The following IQCM variants were observed in gnomAD, a reference collection of about 807,000 sequenced individuals.
IQCM encodes the protein IQ motif containing M.
In IQCM, 45 loss-of-function variants were observed where a neutral mutation model predicts 57.6. That is an observed-to-expected ratio of 0.78 (90% CI 0.62 to 1.00). IQCM has a LOEUF of 1.00. Among genes scored for constraint, IQCM ranks in the 50% least tolerant of loss-of-function variants. The probability of loss-of-function intolerance (pLI) is 0.00; values close to 1 mark genes in which losing one functional copy is unlikely to be tolerated. For synonymous variants in IQCM, 148 were observed against 158.9 expected (o/e 0.93, Z 0.51); for missense variants, 468 against 511.6 (o/e 0.91, Z 0.82).
chr4:149,433,608 C>G, intron 12 of IQCM, 51 bp from the exon 13 acceptor site: 1 of 712,904 alleles, frequency 1.4e-6, no homozygotes, highest in Non-Finnish European at 1.9e-6. Context: ...TACAGACTGT[C>G]ATACTTGCTT....
chr4:149,754,388 C>T (rs1308949716), intron 2 of IQCM, among the ~76,000 whole-genome samples: 1 of 152,170 alleles, frequency 6.6e-6, no homozygotes, highest in East Asian at 1.9e-4. Flanking sequence ...GCTTTCTTCC[C>T]TTTCGAAATC....
At chr4:149,464,849 T>G (rs902915473) in intron 12 of IQCM, among the ~76,000 whole-genome samples, 2 of 152,174 alleles carry the variant, frequency 1.3e-5, no homozygotes, top group African/African-American at 4.8e-5. Flanking sequence ...AATTTAAAAA[T>G]TTTTGATTAA....
intron 7 of IQCM, among the ~76,000 whole-genome samples, chr4:149,642,145 G>A (rs960131745): frequency 6.6e-6 from 1 of 152,030 alleles, no homozygotes; most frequent in Non-Finnish European, 1.5e-5. Flanking sequence ...TTTAATAAAT[G>A]GCACTTTGAA....
intron 2 of IQCM, among the ~76,000 whole-genome samples, chr4:149,749,398 T>G (rs527811930): frequency 2.0e-5 from 3 of 152,332 alleles, no homozygotes; most frequent in Non-Finnish European, 4.4e-5. Context: ...ACATAGTATA[T>G]TCTCACATAT....
At chr4:149,516,602 G>C (rs779195816) in intron 12 of IQCM, among the ~76,000 whole-genome samples, 44 of 152,284 alleles carry the variant, frequency 2.9e-4, no homozygotes, top group South Asian at 1.9e-3. Context: ...CTCTGAATTG[G>C]TGTTCAATAT....
intron 12 of IQCM, among the ~76,000 whole-genome samples, chr4:149,435,572 T>TAA (rs112641970): frequency 5.8e-4 from 81 of 139,786 alleles, no homozygotes; most frequent in African/African-American, 1.6e-3. Flanking sequence ...TTCTACTTAT[T>TAA]AAAAAAAAAA....
chr4:149,487,317 C>G (rs567361699), intron 12 of IQCM, among the ~76,000 whole-genome samples: 4 of 152,078 alleles, frequency 2.6e-5, no homozygotes, highest in Admixed American at 6.6e-5. Context: ...CAAGACAAAG[C>G]CCTCTTTACT....
chr4:149,357,255 T>C (rs1359734318), intron 13 of IQCM, among the ~76,000 whole-genome samples: 3 of 152,224 alleles, frequency 2.0e-5, no homozygotes, highest in Non-Finnish European at 4.4e-5. Flanking sequence ...CCTGCCTGAC[T>C]GCTCTGGCCA....
At chr4:149,582,005 G>T (rs1250807687) in intron 9 of IQCM, among the ~76,000 whole-genome samples, 1 of 151,300 alleles carries the variant, frequency 6.6e-6, no homozygotes, top group Non-Finnish European at 1.5e-5. Context: ...TTTTGTTTTT[G>T]TTTTTTATTT....
intron 2 of IQCM, among the ~76,000 whole-genome samples, chr4:149,779,996 T>C (rs79916017): frequency 0.022 from 3,396 of 152,160 alleles, 64 homozygotes; most frequent in South Asian, 0.035. Flanking sequence ...GTCATATCAA[T>C]CCAAATGGAT....
At chr4:149,580,098 A>G (rs545571553) in intron 9 of IQCM, among the ~76,000 whole-genome samples, 1 of 151,934 alleles carries the variant, frequency 6.6e-6, no homozygotes, top group African/African-American at 2.4e-5. Flanking sequence ...AAAAAGAATA[A>G]CCATCAGACT....
chr4:149,658,447 G>C (rs1759834185), intron 7 of IQCM, among the ~76,000 whole-genome samples: 1 of 151,988 alleles, frequency 6.6e-6, no homozygotes, highest in Admixed American at 6.6e-5. Flanking sequence ...AATGCCTCAA[G>C]CTTTGTACCT....
chr4:149,676,390 A>G (rs1229614363), intron 7 of IQCM, among the ~76,000 whole-genome samples: 1 of 152,074 alleles, frequency 6.6e-6, no homozygotes, highest in African/African-American at 2.4e-5. Context: ...TAATCAAACA[A>G]CATGTTTTTT....
intron 5 of IQCM, among the ~76,000 whole-genome samples, chr4:149,717,379 T>C (rs967000331): frequency 1.3e-5 from 2 of 152,178 alleles, no homozygotes; most frequent in Non-Finnish European, 2.9e-5. Flanking sequence ...GAAATTCCCA[T>C]ACGTTTTGGT....
chr4:149,527,049 C>A (rs548808639), intron 12 of IQCM, among the ~76,000 whole-genome samples: 9 of 152,216 alleles, frequency 5.9e-5, no homozygotes, highest in Non-Finnish European at 8.8e-5. Flanking sequence ...TCCTATCTGA[C>A]TCCTGGAATT....
intron 10 of IQCM, among the ~76,000 whole-genome samples, chr4:149,558,500 AG>A (rs1379930759): frequency 2.6e-5 from 4 of 152,208 alleles, no homozygotes; most frequent in Non-Finnish European, 5.9e-5. Context: ...TTCTGTTTTT[AG>A]GGGGTTACAT....
At chr4:149,487,598 C>T (rs978617482) in intron 12 of IQCM, among the ~76,000 whole-genome samples, 14 of 152,264 alleles carry the variant, frequency 9.2e-5, no homozygotes, top group Admixed American at 2.6e-4. Context: ...CCAAGAAACT[C>T]AAGTACTGAC....
chr4:149,570,876 GCCAA>G (rs1561004669), intron 9 of IQCM, among the ~76,000 whole-genome samples: 9 of 151,952 alleles, frequency 5.9e-5, no homozygotes, highest in African/African-American at 2.2e-4. Context: ...CATACAAATT[GCCAA>G]AACATATATG....
At chr4:149,498,684 G>A (rs1401234591) in intron 12 of IQCM, among the ~76,000 whole-genome samples, 1 of 152,064 alleles carries the variant, frequency 6.6e-6, no homozygotes. Context: ...AAGACAGTCA[G>A]GTAAAAAATA....
Sources: allele counts gnomAD v4.1 joint callset (sites outside exome capture counted in the v4.1 genomes callset), GRCh38; gene constraint gnomAD v4.1.1; transcripts MANE v1.5; gene names NCBI Gene and HGNC (gene_info 2026-07-23, HGNC 2026-07-21).